The following PCOLCE2 variants were observed in gnomAD, a reference collection of about 807,000 sequenced individuals.
PCOLCE2 encodes procollagen C-endopeptidase enhancer 2.
Under a neutral mutation model 47.0 loss-of-function variants are expected in PCOLCE2, and 42 were observed. The observed-to-expected ratio is 0.89, with a 90% CI of 0.70 to 1.16. The LOEUF (loss-of-function observed/expected upper bound fraction) is 1.16, where lower values mean the gene tolerates loss of function less well. Among genes scored for constraint, PCOLCE2 ranks in the 50% most tolerant of loss-of-function variants. PCOLCE2 has a pLI of 0.00. For missense variants in PCOLCE2, 500 were observed against 526.1 expected (o/e 0.95, Z 0.49); for synonymous variants, 169 against 191.7 (o/e 0.88, Z 0.98).
chr3:142,863,574 G>A (rs1384547744), intron 2 of PCOLCE2, among the ~76,000 whole-genome samples: 2 of 152,186 alleles, frequency 1.3e-5, no homozygotes, highest in Non-Finnish European at 2.9e-5. Flanking sequence ...CTAGCCAGAT[G>A]GCTCACAAAT....
chr3:142,879,887 T>C (rs556701553), intron 2 of PCOLCE2, among the ~76,000 whole-genome samples: 90 of 146,100 alleles, frequency 6.2e-4, no homozygotes, highest in African/African-American at 9.2e-4. Flanking sequence ...AAGAGAATAG[T>C]GTGAACCCAG....
chr3:142,824,169 T>C (rs1358980266), intron 6 of PCOLCE2, among the ~76,000 whole-genome samples: 2 of 152,220 alleles, frequency 1.3e-5, no homozygotes, highest in South Asian at 4.1e-4. Flanking sequence ...GCTATAAGAA[T>C]CTTAAGAACT....
chr3:142,859,764 A>G (rs191816634), intron 2 of PCOLCE2, among the ~76,000 whole-genome samples: 2 of 152,232 alleles, frequency 1.3e-5, no homozygotes, highest in Non-Finnish European at 2.9e-5. Context: ...ACAGGGTTTC[A>G]CCATGTTGGC....
At chr3:142,825,436 G>GT (rs1416383270) in intron 6 of PCOLCE2, among the ~76,000 whole-genome samples, 4 of 152,164 alleles carry the variant, frequency 2.6e-5, no homozygotes, top group African/African-American at 9.6e-5. Context: ...TCCCGCGATC[G>GT]TTTCTATGGG....
chr3:142,836,322 T>C (rs947063799), intron 5 of PCOLCE2, among the ~76,000 whole-genome samples: 3 of 152,224 alleles, frequency 2.0e-5, no homozygotes, highest in African/African-American at 7.2e-5. Flanking sequence ...CTATACATGC[T>C]GTGGTCTTTG....
chr3:142,883,344 C>G (rs1186288698), intron 2 of PCOLCE2, among the ~76,000 whole-genome samples: 1 of 152,144 alleles, frequency 6.6e-6, no homozygotes, highest in East Asian at 1.9e-4. Flanking sequence ...TTTCACTCAG[C>G]CACCCATACC....
chr3:142,864,655 C>T (rs1282219916), intron 2 of PCOLCE2, among the ~76,000 whole-genome samples: 1 of 152,242 alleles, frequency 6.6e-6, no homozygotes, highest in African/African-American at 2.4e-5. Context: ...TCATGCCCAT[C>T]TGCAGTCACT....
At chr3:142,819,962 T>TTCTC (rs71629546) in intron 8 of PCOLCE2, among the ~76,000 whole-genome samples, 1 of 150,040 alleles carries the variant, frequency 6.7e-6, no homozygotes, top group African/African-American at 2.4e-5. Flanking sequence ...TTCTCTCTCT[T>TTCTC]TCTCTCTCTC....
chr3:142,846,777 A>G (rs889339291), intron 3 of PCOLCE2: 2 of 152,006 alleles, frequency 1.3e-5, no homozygotes, highest in African/African-American at 2.4e-5. Context: ...AAAATTTCAG[A>G]TCCTGTTTCT....
At chr3:142,823,506 G>A in intron 7 of PCOLCE2, 26 bp downstream of exon 7, 2 of 1,423,028 alleles carry the variant, frequency 1.4e-6, no homozygotes, top group Non-Finnish European at 2.0e-6. Context: ...TGGTTAAAGA[G>A]AAAAAGACTG....
At chr3:142,828,923 C>T (rs1006777173) in intron 6 of PCOLCE2, among the ~76,000 whole-genome samples, 6 of 152,178 alleles carry the variant, frequency 3.9e-5, no homozygotes, top group Admixed American at 6.5e-5. Flanking sequence ...GACCCAGAGG[C>T]GCCTGCCTGT....
chr3:142,849,000 A>C (rs1937361462), intron 2 of PCOLCE2, among the ~76,000 whole-genome samples: 1 of 152,030 alleles, frequency 6.6e-6, no homozygotes, highest in Non-Finnish European at 1.5e-5. Context: ...AAAAATACAA[A>C]AGATTAGCCG....
Position 142,842,044 on chromosome 3 carries a change from C to T in PCOLCE2, c.573+880G>A, listed in dbSNP as rs1286784802. 6.6e-6 allele frequency among the ~76,000 whole-genome samples: 1 copy of T among 152,140 alleles called. No individual in the cohort carries two copies. Among genetic ancestry groups the T allele is most frequent in the Non-Finnish European group, 1.5e-5 (1 of 68,032 alleles). Reference sequence around the variant, plus strand: ...AGTCGACCTTCTCTGTTGATTATTTCAGAACAATGAATGAAGCTTTTTGTG... The same window carrying T: ...AGTCGACCTTCTCTGTTGATTATTTTAGAACAATGAATGAAGCTTTTTGTG... On this transcript the variant is annotated intron_variant, in intron 4 of 8. Transcript: ENST00000295992. This position sits in a 1 kb window ranked among gnomAD's most constrained non-coding sequence, Gnocchi z 4.1.
chr3:142,887,565 C>A (rs1933738893), intron 2 of PCOLCE2, 104 bp downstream of exon 2: 3 of 667,200 alleles, frequency 4.5e-6, no homozygotes, highest in Non-Finnish European at 8.2e-6. Flanking sequence ...CTATTTCAGG[C>A]ATTTGCCTCT....
chr3:142,864,996 T>C (rs1465421781), intron 2 of PCOLCE2, among the ~76,000 whole-genome samples: 4 of 152,222 alleles, frequency 2.6e-5, no homozygotes, highest in Admixed American at 6.5e-5. Flanking sequence ...TGTATTTTCA[T>C]TTCTCCTGCA....
intron 2 of PCOLCE2, chr3:142,863,879 T>G (rs1392086390): frequency 6.6e-6 from 1 of 152,126 alleles, no homozygotes; most frequent in Non-Finnish European, 1.5e-5. Flanking sequence ...AGCATGCTAT[T>G]TAAGAAAAAC....
intron 2 of PCOLCE2, among the ~76,000 whole-genome samples, chr3:142,885,117 G>A (rs1933694963): frequency 6.6e-6 from 1 of 152,228 alleles, no homozygotes; most frequent in Non-Finnish European, 1.5e-5. Flanking sequence ...AGGACTGGAA[G>A]TTTGGTGGTA....
At chr3:142,881,547 T>C (rs964353483) in intron 2 of PCOLCE2, among the ~76,000 whole-genome samples, 2 of 152,186 alleles carry the variant, frequency 1.3e-5, no homozygotes, top group African/African-American at 2.4e-5. Context: ...CAAACCTAGA[T>C]TGTATAATCC....
At chr3:142,827,060 T>C in intron 6 of PCOLCE2, 1 of 1,114,118 alleles carries the variant, frequency 9.0e-7, no homozygotes, top group East Asian at 2.6e-5. Flanking sequence ...TTACTTTTTT[T>C]TGGCATAAAG....
Sources: allele counts gnomAD v4.1 joint callset (sites outside exome capture counted in the v4.1 genomes callset), GRCh38; gene constraint gnomAD v4.1.1; non-coding constraint Gnocchi (gnomAD v3.1); transcripts MANE v1.5; gene names NCBI Gene and HGNC (gene_info 2026-07-23, HGNC 2026-07-21).